NPM2: variants seen among roughly 807,000 people sequenced by gnomAD.
The protein encoded by NPM2 is nucleoplasmin-2.
A neutral mutation model predicts 32.0 loss-of-function variants in NPM2; 25 were observed. The observed-to-expected ratio is 0.78, with a 90% CI of 0.57 to 1.09. The LOEUF (loss-of-function observed/expected upper bound fraction) is 1.09, where lower values mean the gene tolerates loss of function less well. NPM2 is among the 50% of genes least tolerant of loss of function. The pLI is 0.00. For synonymous variants in NPM2, 111 were observed against 94.2 expected, an observed-to-expected ratio of 1.18 and a Z score of -1.04; for missense variants, 282 against 259.9, an observed-to-expected ratio of 1.08 and a Z score of -0.58.
chr8:22,036,363 G>A (rs1375334741), intron 8 of NPM2, 130 bp from the exon 9 acceptor site: 12 of 800,002 alleles, frequency 1.5e-5, no homozygotes, highest in South Asian at 5.3e-5. Context: ...TAAAGAGTCC[G>A]AGTGGTCCCC....
intron 8 of NPM2, among the ~76,000 whole-genome samples, chr8:22,035,451 T>A (rs922784573): frequency 2.0e-5 from 3 of 152,058 alleles, no homozygotes; most frequent in African/African-American, 7.2e-5. Flanking sequence ...CTTTTAAGTT[T>A]TGTGTAGAGA....
intron 5 of NPM2, among the ~76,000 whole-genome samples, chr8:22,029,307 C>A (rs1247229643): frequency 1.4e-4 from 22 of 152,062 alleles, no homozygotes; most frequent in Admixed American, 1.3e-3. Flanking sequence ...TCATGCCCAG[C>A]TAATTTTTGT....
intron 6 of NPM2, among the ~76,000 whole-genome samples, chr8:22,033,567 G>A (rs182273986): frequency 2.5e-3 from 344 of 137,930 alleles, no homozygotes; most frequent in African/African-American, 8.0e-3. Context: ...CCATAGCAAC[G>A]CAGACCATAG....
At chr8:22,035,657 G>T (rs554096829) in intron 8 of NPM2, among the ~76,000 whole-genome samples, 1 of 152,264 alleles carries the variant, frequency 6.6e-6, no homozygotes, top group African/African-American at 2.4e-5. Flanking sequence ...GACCAGGCCG[G>T]GTACGGTGGC....
chr8:22,033,148 C>A lies in NPM2; in HGVS notation c.289C>A (p.Gln97Lys). 1 of 1,614,052 alleles carries A rather than the reference C, an allele frequency of 6.2e-7. No individual in the cohort carries two copies. The highest frequency in any genetic ancestry group is 8.5e-7 in the Non-Finnish European group (1 of 1,179,944). Residue 97 changes from glutamine to lysine, a missense_variant, in exon 6 of 10, where the codon CAG becomes AAG. By Grantham distance (53) the Gln-to-Lys change is moderately conservative (BLOSUM62 1). Transcript: ENST00000518119. ...CCTGCAGGTCTCCATGGTAGGAGTG[C>A]AGCTTTCTCCCCCAGTTACTTTCCA... ...VLPMVSMVGV[Q>K]LSPPVTFQLR... is the part of the protein sequence containing the mutation.
chr8:22,026,163 G>C (rs1021604509), intron 5 of NPM2, among the ~76,000 whole-genome samples: 1 of 152,094 alleles, frequency 6.6e-6, no homozygotes, highest in African/African-American at 2.4e-5. Context: ...TAAGCTGTGC[G>C]TGCGAGGGGT....
In NPM2 at chr8:22,029,883, A is replaced by T. The variant is rs1320206594; in HGVS notation, c.271-3247A>T. 2.0e-5 allele frequency among the ~76,000 whole-genome samples: 3 copies of T among 152,078 alleles called. No homozygotes were observed. The East Asian group carries it at 5.8e-4, about 29-fold the overall frequency. ...TTCCTCTCTGGCTTATTTTAAGATA[A>T]TGTCTTTTGTTTTTATTTTCTATAG... On this transcript the variant is annotated intron_variant, in intron 5 of 9. Coordinates refer to ENST00000518119, the MANE Select transcript of NPM2 (RefSeq NM_001286680.2).
At chr8:22,028,719 G>C (rs1038209560) in intron 5 of NPM2, among the ~76,000 whole-genome samples, 1 of 152,128 alleles carries the variant, frequency 6.6e-6, no homozygotes, top group Non-Finnish European at 1.5e-5. Context: ...AATAAGAGCC[G>C]AGAGTGTATT....
At chr8:22,033,089 G>C in intron 5 of NPM2, 41 bp from the exon 6 acceptor site, 1 of 1,480,784 alleles carries the variant, frequency 6.8e-7, no homozygotes, top group Non-Finnish European at 9.4e-7. Flanking sequence ...AGAGGTGCCA[G>C]GCCTAAGTGG....
At chr8:22,034,729 G>A (rs1018408030) in intron 8 of NPM2, among the ~76,000 whole-genome samples, 185 bp downstream of exon 8, 1 of 152,182 alleles carries the variant, frequency 6.6e-6, no homozygotes, top group Non-Finnish European at 1.5e-5. Context: ...GCATTACAAC[G>A]TTCTTATCTT....
rs543496518 is a variant in NPM2, at chr8:22,028,909, C to T, written c.270+3137C>T. On this transcript the variant is annotated intron_variant, in intron 5 of 9. Coordinates refer to ENST00000518119, the MANE Select transcript of NPM2 (RefSeq NM_001286680.2). Reference sequence around the variant, plus strand: ...GATGTAATTGGATTTGTGGCATGTACTTTGTACCCCTACTTTCCTTGCTTT... The same window carrying T: ...GATGTAATTGGATTTGTGGCATGTATTTTGTACCCCTACTTTCCTTGCTTT... Among the ~76,000 whole-genome samples, 60 of 152,252 alleles carry T rather than the reference C, an allele frequency of 3.9e-4. 1 individual carries two copies. In the South Asian group the frequency reaches 0.012, roughly 32 times the overall value.
Position 22,033,240 on chromosome 8 carries a change from G to C in NPM2, c.364+17G>C, listed in dbSNP as rs189524554. 1.1e-5 allele frequency: 18 copies of C among 1,598,618 alleles called. 1 individual carries two copies. Among genetic ancestry groups the C allele is most frequent in the Admixed American group, 1.7e-5 (1 of 59,974 alleles). On this transcript the variant is annotated intron_variant, in intron 6 of 9. Transcript: ENST00000518119. ...AACGTTATGGTAAGTCAGAGCCTGCGATCAGGAAGGTCCGTGAGTACCGTG... is the reference window on the plus strand; with the variant it reads ...AACGTTATGGTAAGTCAGAGCCTGCCATCAGGAAGGTCCGTGAGTACCGTG...
intron 5 of NPM2, among the ~76,000 whole-genome samples, chr8:22,029,620 C>T (rs1470689919): frequency 6.6e-6 from 1 of 152,212 alleles, no homozygotes; most frequent in Non-Finnish European, 1.5e-5. Flanking sequence ...CTTCTTCCTT[C>T]TTGATCTAAT....
chr8:22,028,965 T>C (rs189319424), intron 5 of NPM2, among the ~76,000 whole-genome samples: 124 of 152,276 alleles, frequency 8.1e-4, no homozygotes, highest in African/African-American at 2.9e-3. Context: ...CTATATTTTA[T>C]TAGATTAATT....
rs141467697 is a variant in NPM2 at position 22,036,314 on chromosome 8, A to T, written c.567-179A>T. On this transcript the variant is annotated intron_variant, in intron 8 of 9. Coordinates refer to ENST00000518119, the MANE Select transcript of NPM2 (RefSeq NM_001286680.2). ...GAAGATGGAAGCCTAAGGAAAACACATATGCGTATGCATGCACACGCACAC... is the reference window on the plus strand; with the variant it reads ...GAAGATGGAAGCCTAAGGAAAACACTTATGCGTATGCATGCACACGCACAC... The T allele has an allele frequency of 9.2e-4, 536 of 580,818 alleles. 7 individuals are homozygous for T. The highest frequency in any genetic ancestry group is 8.8e-3 in the African/African-American group (468 of 53,070). The allele number at this position is 580,818 out of a possible 1,614,324, so 36.0% of individuals were successfully genotyped here. A position where few individuals can be genotyped will look rare whatever the true frequency, so the allele number is the denominator to read the frequency against.
chr8:22,034,146 A>G lies in NPM2; in HGVS notation c.402A>G (p.Glu134=), dbSNP rs1257858396. The G allele has an allele frequency of 1.2e-6, 2 of 1,610,358 alleles. No homozygotes were observed. The highest frequency in any genetic ancestry group is 1.7e-6 in the Non-Finnish European group (2 of 1,178,610). ...TAACCTGGGAGGAGGAGGAGGAAGA[A>G]GAAGGGGAGGAGGAGGAAGAGGAAG... The part of the protein sequence containing the change: ...SDLTWEEEEE[E]EGEEEEEEEE... The change falls in exon 7 of 10, where the codon GAA becomes GAG. Residue 134 remains glutamate, a synonymous_variant. Transcript: ENST00000518119.
intron 5 of NPM2, among the ~76,000 whole-genome samples, chr8:22,027,542 C>T (rs1473736355): frequency 6.6e-6 from 1 of 152,066 alleles, no homozygotes; most frequent in East Asian, 1.9e-4. Context: ...CCACCCGCCT[C>T]CCCTTCAACC....
At chr8:22,036,565 G>C (rs1028382081) in intron 9 of NPM2, 39 bp downstream of exon 9, 1 of 1,575,612 alleles carries the variant, frequency 6.3e-7, no homozygotes, top group Non-Finnish European at 8.6e-7. Flanking sequence ...TGGGACAGGC[G>C]AGTATTCTCT....
At chr8:22,026,889 A>C (rs1423292680) in intron 5 of NPM2, among the ~76,000 whole-genome samples, 2 of 152,176 alleles carry the variant, frequency 1.3e-5, no homozygotes, top group Admixed American at 6.5e-5. Flanking sequence ...TGGTAAGTAC[A>C]TTTTGTCAGG....
Sources: allele counts gnomAD v4.1 joint callset (sites outside exome capture counted in the v4.1 genomes callset), GRCh38; gene constraint gnomAD v4.1.1; transcripts MANE v1.5; gene names NCBI Gene and HGNC (gene_info 2026-07-23, HGNC 2026-07-21).